The following GOLGA5 variants were observed in gnomAD, a reference collection of about 807,000 sequenced individuals.
GOLGA5 encodes golgin A5, also known as golgin subfamily A member 5.
Under a neutral mutation model 93.5 loss-of-function variants are expected in GOLGA5, and 50 were observed. The observed-to-expected ratio is 0.53, with a 90% CI of 0.43 to 0.68. GOLGA5 has a LOEUF of 0.68. Among genes scored for constraint, GOLGA5 ranks in the 30% least tolerant of loss-of-function variants. The pLI is 0.00. For synonymous variants in GOLGA5, 312 were observed against 304.5 expected (o/e 1.02, Z -0.26); for missense variants, 760 against 856.4 (o/e 0.89, Z 1.40).
intron 3 of GOLGA5, 65 bp downstream of exon 3, chr14:92,807,028 A>C (rs558042533): frequency 5.4e-6 from 6 of 1,114,324 alleles, no homozygotes; most frequent in Non-Finnish European, 8.1e-6. Flanking sequence ...GGCTGGACGC[A>C]GTGGCTCGTG....
intron 6 of GOLGA5, among the ~76,000 whole-genome samples, chr14:92,814,130 GAAGT>G (rs1397099686): frequency 2.0e-5 from 3 of 152,168 alleles, no homozygotes; most frequent in East Asian, 3.8e-4. Context: ...AAGGTAATTA[GAAGT>G]AAGTTGGGAG....
intron 6 of GOLGA5, among the ~76,000 whole-genome samples, chr14:92,813,115 T>C (rs1336878222): frequency 1.3e-5 from 2 of 152,234 alleles, no homozygotes; most frequent in African/African-American, 4.8e-5. Flanking sequence ...AAACTTCTAA[T>C]GGCTATGAAT....
chr14:92,802,604 T>A (rs1320255583), intron 2 of GOLGA5, among the ~76,000 whole-genome samples: 1 of 151,994 alleles, frequency 6.6e-6, no homozygotes, highest in Non-Finnish European at 1.5e-5. Context: ...TTTATTTGTT[T>A]AAGGAAGTTC....
intron 9 of GOLGA5, among the ~76,000 whole-genome samples, chr14:92,825,315 A>G (rs1221430024): frequency 6.6e-6 from 1 of 152,208 alleles, no homozygotes; most frequent in East Asian, 1.9e-4. Context: ...TCCAGACTTG[A>G]TAGTAGTCCA....
chr14:92,812,219 T>G (rs1021240188), intron 6 of GOLGA5, among the ~76,000 whole-genome samples: 2 of 152,212 alleles, frequency 1.3e-5, no homozygotes, highest in African/African-American at 4.8e-5. Context: ...CTTTCCTTTG[T>G]CCCTCAGAGG....
intron 7 of GOLGA5, among the ~76,000 whole-genome samples, chr14:92,819,388 TC>T (rs1283388736): frequency 6.6e-6 from 1 of 151,396 alleles, no homozygotes; most frequent in Non-Finnish European, 1.5e-5. Flanking sequence ...ACACCTGTAA[TC>T]CCAGTGCTGT....
chr14:92,833,543 G>T (rs1885574709), intron 10 of GOLGA5, among the ~76,000 whole-genome samples, 196 bp downstream of exon 10: 1 of 152,156 alleles, frequency 6.6e-6, no homozygotes, highest in South Asian at 2.1e-4. Context: ...ACCAGTATTA[G>T]ACTTGGGGAA....
intron 2 of GOLGA5, among the ~76,000 whole-genome samples, 169 bp from the exon 3 acceptor site, chr14:92,806,567 C>A (rs761613761): frequency 2.0e-5 from 3 of 152,176 alleles, no homozygotes; most frequent in African/African-American, 7.2e-5. Context: ...CCTGCCTCGG[C>A]CTCCCAAAAT....
At chr14:92,811,446 G>C in intron 5 of GOLGA5, 105 bp from the exon 6 acceptor site, 5 of 802,876 alleles carry the variant, frequency 6.2e-6, no homozygotes, top group Non-Finnish European at 1.0e-5. Flanking sequence ...CTACTATGTT[G>C]TTTGGCTGAG....
chr14:92,821,121 T>C (rs1362257765), intron 8 of GOLGA5, among the ~76,000 whole-genome samples: 1 of 152,234 alleles, frequency 6.6e-6, no homozygotes, highest in Non-Finnish European at 1.5e-5. Context: ...TATTACCCTG[T>C]CTGTATTTTG....
intron 2 of GOLGA5, among the ~76,000 whole-genome samples, chr14:92,799,272 A>ATTTTTTTTTTTTTTTTTTTTTTTTTTTT (rs1191305000): frequency 8.1e-6 from 1 of 124,214 alleles, no homozygotes; most frequent in African/African-American, 3.4e-5. Context: ...GGCCATAGGG[A>ATTTTTTTTTTTTTTTTTTTTTTTTTTTT]TTTTTTTTTT....
At chr14:92,839,317 T>C (rs1175652266) in intron 12 of GOLGA5, 49 bp from the exon 13 acceptor site, 11 of 1,252,798 alleles carry the variant, frequency 8.8e-6, no homozygotes, top group Non-Finnish European at 1.3e-5. Context: ...GGGCCTTTGG[T>C]AAAAATTGGT....
rs566407830 is a variant in GOLGA5 at position 92,837,939 on chromosome 14, A to T, written c.2115+490A>T. On this transcript the variant is annotated intron_variant, in intron 12 of 12. Transcript: ENST00000163416. ...TTGGTAGAGTATAAATTGACAATTC[A>T]TTATGTCTAGAATATAAATTCCTCA... is the stretch of plus-strand genomic sequence containing the variant. Among the ~76,000 whole-genome samples, 42 of 152,360 alleles carry T rather than the reference A, an allele frequency of 2.8e-4. 1 individual carries two copies. The highest frequency in any genetic ancestry group is 9.9e-4 in the African/African-American group (41 of 41,594).
chr14:92,801,992 A>G (rs182505259), intron 2 of GOLGA5, among the ~76,000 whole-genome samples: 166 of 152,266 alleles, frequency 1.1e-3, no homozygotes, highest in Non-Finnish European at 1.7e-3. Context: ...TTTCTTCAGA[A>G]ATGTTTTGGC....
intron 10 of GOLGA5, 42 bp from the exon 11 acceptor site, chr14:92,835,517 A>G (rs373772812): frequency 2.2e-6 from 3 of 1,356,860 alleles, no homozygotes; most frequent in Non-Finnish European, 3.2e-6. Context: ...GTCTTAGTTA[A>G]TTTTTATGTC....
At position 92,797,584 on chromosome 14, in the gene GOLGA5, T is replaced by C; in HGVS notation, c.147T>C (p.Asn49=). Residue 49 remains asparagine (N), a synonymous_variant, in exon 2 of 13, where the codon AAT becomes AAC. Coordinates refer to ENST00000163416, the MANE Select transcript of GOLGA5 (RefSeq NM_005113.4). The part of the protein sequence containing the change: ...NTDYTELHQQ[N]TDLIYQTGPK... ...ACTATACTGAACTTCACCAGCAAAA[T>C]ACAGATTTGATATATCAGACTGGAC... The C allele has an allele frequency of 6.2e-7, 1 of 1,613,692 alleles. No homozygotes were observed. The highest frequency in any genetic ancestry group is 1.7e-5 in the Admixed American group (1 of 60,016).
chr14:92,802,812 C>T (rs1445976125), intron 2 of GOLGA5, among the ~76,000 whole-genome samples: 3 of 151,276 alleles, frequency 2.0e-5, no homozygotes, highest in Non-Finnish European at 2.9e-5. Context: ...TGGAATGTAG[C>T]GGCTATTCAC....
At chr14:92,835,722 G>A in intron 11 of GOLGA5, 58 bp downstream of exon 11, 1 of 1,006,470 alleles carries the variant, frequency 9.9e-7, no homozygotes, top group Non-Finnish European at 1.6e-6. Context: ...CGTTTTTCAG[G>A]GTTTCAATCA....
At chr14:92,837,245 T>C in intron 11 of GOLGA5, 141 bp from the exon 12 acceptor site, 1 of 548,720 alleles carries the variant, frequency 1.8e-6, no homozygotes, top group East Asian at 3.0e-5. Flanking sequence ...CAGTCTGCTA[T>C]AAAAATTGTT....
Sources: allele counts gnomAD v4.1 joint callset (sites outside exome capture counted in the v4.1 genomes callset), GRCh38; gene constraint gnomAD v4.1.1; transcripts MANE v1.5; gene names NCBI Gene and HGNC (gene_info 2026-07-23, HGNC 2026-07-21).